The following RBFOX1 variants were observed in gnomAD, a reference collection of about 807,000 sequenced individuals.
RBFOX1 encodes RNA binding protein fox-1 homolog 1.
RBFOX1 carries 8 observed loss-of-function variants against 57.7 expected under a neutral mutation model. The observed-to-expected ratio is 0.14, with a 90% CI of 0.08 to 0.25. The LOEUF (loss-of-function observed/expected upper bound fraction) is 0.25, where lower values mean the gene tolerates loss of function less well. Ranked by LOEUF, RBFOX1 falls within the 10% of genes least tolerant of loss-of-function variation. RBFOX1 has a pLI of 1.00. For missense variants in RBFOX1, 611 were observed against 548.5 expected (o/e 1.11, Z -1.14); for synonymous variants, 326 against 222.4 (o/e 1.47, Z -4.15).
At chr16:7,457,526 G>A (rs1451229607) in intron 4 of RBFOX1, among the ~76,000 whole-genome samples, 1 of 152,146 alleles carries the variant, frequency 6.6e-6, no homozygotes, top group East Asian at 1.9e-4. Context: ...AGATGTTTGG[G>A]TTTCTTCATG....
intron 2 of RBFOX1, among the ~76,000 whole-genome samples, chr16:6,530,555 A>G (rs528890868): frequency 1.8e-4 from 27 of 152,264 alleles, no homozygotes; most frequent in South Asian, 1.7e-3. Flanking sequence ...GTATTAGTCT[A>G]TTTTCACGCT....
chr16:7,205,227 A>T (rs563723393), intron 4 of RBFOX1, among the ~76,000 whole-genome samples: 1 of 152,200 alleles, frequency 6.6e-6, no homozygotes, highest in South Asian at 2.1e-4. Context: ...GTGAAAATGT[A>T]TGGAAATGGG....
In RBFOX1 at chr16:6,186,335, A is replaced by G. The variant is rs535484517; in HGVS notation, c.-126-130660A>G. Among the ~76,000 whole-genome samples, 14 of 152,280 alleles carry G rather than the reference A, an allele frequency of 9.2e-5. No individual in the cohort carries two copies. The South Asian group carries it at 2.9e-3, about 32-fold the overall frequency. ...TGCAAGGGAATTTGGAGTGAGTTTG[A>G]AGAAGGAGAGGTTATGAATTAGTAA... On this transcript the variant is annotated intron_variant, in intron 1 of 15. Transcript: ENST00000550418.
intron 3 of RBFOX1, among the ~76,000 whole-genome samples, chr16:5,626,521 T>C (rs1346696433): frequency 2.0e-5 from 3 of 152,164 alleles, no homozygotes; most frequent in African/African-American, 7.2e-5. Flanking sequence ...ACATATGAAT[T>C]CTGGCGGAAC....
chr16:7,384,743 T>C lies in RBFOX1; in HGVS notation c.28-133404T>C, dbSNP rs545492948. ...GATGTAAGTCAGGATGAGTCTCTCATTCACTCAACAAATATTTATTGAATG... is the reference window on the plus strand; with the variant it reads ...GATGTAAGTCAGGATGAGTCTCTCACTCACTCAACAAATATTTATTGAATG... On this transcript the variant is annotated intron_variant, in intron 4 of 15. Coordinates refer to ENST00000550418, the MANE Select transcript of RBFOX1 (RefSeq NM_018723.4). Among the ~76,000 whole-genome samples, 3 of 152,314 alleles carry C rather than the reference T, an allele frequency of 2.0e-5. No homozygotes were observed. The South Asian group carries it at 6.2e-4, about 32-fold the overall frequency.
At chr16:7,462,115 G>A (rs1444604666) in intron 4 of RBFOX1, among the ~76,000 whole-genome samples, 1 of 152,226 alleles carries the variant, frequency 6.6e-6, no homozygotes, top group African/African-American at 2.4e-5. Context: ...ACATACCAGG[G>A]AAGCTACTAC....
chr16:6,976,216 A>T (rs1380952207), intron 3 of RBFOX1, among the ~76,000 whole-genome samples: 1 of 152,162 alleles, frequency 6.6e-6, no homozygotes, highest in Non-Finnish European at 1.5e-5. Flanking sequence ...TTATATGAGC[A>T]TTCTAATTAT....
chr16:6,609,916 G>C (rs183585664), intron 2 of RBFOX1, among the ~76,000 whole-genome samples: 2 of 152,072 alleles, frequency 1.3e-5, no homozygotes, highest in Admixed American at 1.3e-4. Context: ...GCTGAGGCAC[G>C]AGACTTGCTT....
At chr16:7,371,839 A>G (rs1252081962) in intron 4 of RBFOX1, among the ~76,000 whole-genome samples, 1 of 152,200 alleles carries the variant, frequency 6.6e-6, no homozygotes, top group African/African-American at 2.4e-5. Flanking sequence ...AAAAAGCCAC[A>G]TCAGTCTAAA....
intron 3 of RBFOX1, among the ~76,000 whole-genome samples, chr16:6,658,928 G>GTTTTTT (rs981949678): frequency 1.1e-4 from 10 of 87,614 alleles, no homozygotes; most frequent in Non-Finnish European, 2.3e-4. Context: ...TTGTTTTTTG[G>GTTTTTT]TTTTTTTGTT....
chr16:5,608,724 T>C (rs573224921), intron 3 of RBFOX1, among the ~76,000 whole-genome samples: 102 of 152,308 alleles, frequency 6.7e-4, no homozygotes, highest in Non-Finnish European at 1.1e-3. Context: ...CTAACAGTTG[T>C]GAGATACACT....
chr16:5,883,752 T>C (rs1052999212), intron 4 of RBFOX1, among the ~76,000 whole-genome samples: 3 of 152,202 alleles, frequency 2.0e-5, no homozygotes, highest in African/African-American at 7.2e-5. Context: ...AAAATCACTC[T>C]GATTAGCAAC....
At chr16:6,758,578 A>T (rs1379386938) in intron 3 of RBFOX1, among the ~76,000 whole-genome samples, 3 of 152,138 alleles carry the variant, frequency 2.0e-5, no homozygotes, top group African/African-American at 7.2e-5. Context: ...AAACATCCCA[A>T]ACTGTACCAA....
intron 3 of RBFOX1, among the ~76,000 whole-genome samples, chr16:6,833,815 G>A (rs903133930): frequency 2.0e-5 from 3 of 152,144 alleles, no homozygotes; most frequent in Admixed American, 2.0e-4. Flanking sequence ...TGGGTAGGTA[G>A]GAATTAGATA....
intron 4 of RBFOX1, among the ~76,000 whole-genome samples, chr16:7,416,812 C>G (rs1005968836): frequency 1.3e-5 from 2 of 152,036 alleles, no homozygotes; most frequent in Non-Finnish European, 2.9e-5. Context: ...CATGTATCAA[C>G]TCCCTACTAA....
At chr16:5,784,082 C>T (rs2054415000) in intron 3 of RBFOX1, among the ~76,000 whole-genome samples, 1 of 152,140 alleles carries the variant, frequency 6.6e-6, no homozygotes, top group Admixed American at 6.5e-5. Flanking sequence ...CTCTGCTTGG[C>T]TTCTAGGGAG....
chr16:6,856,917 GAGAA>G (rs1244874633), intron 3 of RBFOX1, among the ~76,000 whole-genome samples: 1 of 152,052 alleles, frequency 6.6e-6, no homozygotes, highest in Non-Finnish European at 1.5e-5. Flanking sequence ...AAGAAAGAAA[GAGAA>G]AGAGAAGGAA....
rs575472702 is a variant in RBFOX1 at position 6,697,274 on chromosome 16, C to G, written c.-16+42624C>G. Reference sequence around the variant, plus strand: ...TTTTTAAATTTTCTGCATCTTAAGTCCTTTTCCACCCACTGTAGTCATGGT... The same window carrying G: ...TTTTTAAATTTTCTGCATCTTAAGTGCTTTTCCACCCACTGTAGTCATGGT... On this transcript the variant is annotated intron_variant, in intron 3 of 15. Transcript: ENST00000550418. Among the ~76,000 whole-genome samples, 17 of 152,158 alleles carry G rather than the reference C, an allele frequency of 1.1e-4. No homozygotes were observed. In the South Asian group the frequency reaches 3.3e-3, roughly 30 times the overall value.
intron 4 of RBFOX1, among the ~76,000 whole-genome samples, chr16:7,302,723 C>T (rs1603606663): frequency 6.9e-6 from 1 of 144,616 alleles, no homozygotes; most frequent in Admixed American, 7.0e-5. Flanking sequence ...TTTATTGCTG[C>T]CAAGAATGCA....
Sources: allele counts gnomAD v4.1 joint callset (sites outside exome capture counted in the v4.1 genomes callset), GRCh38; gene constraint gnomAD v4.1.1; transcripts MANE v1.5; gene names NCBI Gene and HGNC (gene_info 2026-07-23, HGNC 2026-07-21).